The following MAP2K4 variants were observed in gnomAD, a reference collection of about 807,000 sequenced individuals.
The protein encoded by MAP2K4 is mitogen-activated protein kinase kinase 4.
In MAP2K4, 4 loss-of-function variants were observed where a neutral mutation model predicts 48.5. The observed-to-expected ratio is 0.08, with a 90% CI of 0.04 to 0.19. MAP2K4 has a LOEUF of 0.19. MAP2K4 is among the 10% of genes least tolerant of loss of function. The probability of loss-of-function intolerance (pLI) is 1.00; values close to 1 mark genes in which losing one functional copy is unlikely to be tolerated. For synonymous variants in MAP2K4, 166 were observed against 173.1 expected, an observed-to-expected ratio of 0.96 and a Z score of 0.32; for missense variants, 258 against 493.3, an observed-to-expected ratio of 0.52 and a Z score of 4.52.
chr17:12,046,419 T>G (rs1969965891), intron 1 of MAP2K4, among the ~76,000 whole-genome samples: 1 of 152,206 alleles, frequency 6.6e-6, no homozygotes, highest in African/African-American at 2.4e-5. Flanking sequence ...CAGTAGGGCC[T>G]TCTTTGATTA....
chr17:12,125,214 G>C, intron 7 of MAP2K4, 80 bp from the exon 8 acceptor site: 1 of 997,142 alleles, frequency 1.0e-6, no homozygotes. Flanking sequence ...CATTTTGGCT[G>C]TCTACCCAGC....
Position 12,143,712 on chromosome 17 carries a change from A to G in MAP2K4, c.*2452A>G. 1 of 230,708 alleles carries G rather than the reference A, an allele frequency of 4.3e-6. No homozygotes were observed. Among genetic ancestry groups the G allele is most frequent in the Admixed American group, 5.6e-5 (1 of 17,744 alleles). 14.3% of individuals were successfully genotyped at this position (230,708 alleles called of 1,614,324 possible). On this transcript the variant is annotated 3_prime_UTR_variant, in exon 11 of 11. Coordinates refer to ENST00000353533, the MANE Select transcript of MAP2K4 (RefSeq NM_003010.4). ...TCCTTTTGCCTGCAGGTCAGTTGTA[A>G]TAAATCTAGGATGTGATGATGACTT...
At chr17:12,123,426 T>C (rs981714722) in intron 7 of MAP2K4, among the ~76,000 whole-genome samples, 1 of 152,210 alleles carries the variant, frequency 6.6e-6, no homozygotes, top group African/African-American at 2.4e-5. Flanking sequence ...GTATCTTTTC[T>C]TTTTCTGTGG....
At chr17:12,136,424 AAG>A (rs1435338968) in intron 9 of MAP2K4, among the ~76,000 whole-genome samples, 2 of 152,266 alleles carry the variant, frequency 1.3e-5, no homozygotes, top group African/African-American at 2.4e-5. Context: ...GATATCATTG[AAG>A]AGAGATTAAT....
At chr17:12,024,901 T>C (rs1969208518) in intron 1 of MAP2K4, among the ~76,000 whole-genome samples, 1 of 152,190 alleles carries the variant, frequency 6.6e-6, no homozygotes, top group South Asian at 2.1e-4. Context: ...GTGTGAATCC[T>C]GTAAAGAGAA....
intron 2 of MAP2K4, chr17:12,069,925 A>ATATATATATATATATATATG (rs1970741500): frequency 2.0e-5 from 2 of 98,598 alleles, no homozygotes; most frequent in African/African-American, 9.8e-5. Flanking sequence ...ATATATATAT[A>ATATATATATATATATATATG]TATATATATA....
chr17:12,043,172 A>G (rs1161266704), intron 1 of MAP2K4, among the ~76,000 whole-genome samples: 1 of 152,224 alleles, frequency 6.6e-6, no homozygotes, highest in Non-Finnish European at 1.5e-5. Context: ...TGATGGAGAA[A>G]AATATATTCA....
intron 10 of MAP2K4, among the ~76,000 whole-genome samples, chr17:12,140,371 T>C (rs1973339122): frequency 6.6e-6 from 1 of 152,206 alleles, no homozygotes; most frequent in Admixed American, 6.5e-5. Context: ...TGTTGTGATC[T>C]AATAATGTGG....
intron 3 of MAP2K4, among the ~76,000 whole-genome samples, chr17:12,091,156 T>G (rs574491968): frequency 3.3e-4 from 50 of 152,340 alleles, no homozygotes; most frequent in African/African-American, 1.1e-3. Context: ...ATTTATACTT[T>G]AAATTCAAGT....
At chr17:12,077,373 G>A (rs1053386562) in intron 2 of MAP2K4, among the ~76,000 whole-genome samples, 1 of 152,112 alleles carries the variant, frequency 6.6e-6, no homozygotes, top group Non-Finnish European at 1.5e-5. Context: ...ATAATGCTAG[G>A]GGCTGTATTA....
At chr17:12,102,672 T>C (rs886326061) in intron 4 of MAP2K4, among the ~76,000 whole-genome samples, 4 of 152,158 alleles carry the variant, frequency 2.6e-5, no homozygotes, top group Admixed American at 2.6e-4. Context: ...TTTGTGAGAA[T>C]ATTTTTGACT....
chr17:12,133,744 G>A (rs746716739), intron 9 of MAP2K4, among the ~76,000 whole-genome samples: 6 of 152,124 alleles, frequency 3.9e-5, no homozygotes, highest in African/African-American at 7.2e-5. Flanking sequence ...AAAATTTATC[G>A]TGTGCAGAGG....
At chr17:12,113,452 A>G in intron 7 of MAP2K4, 92 bp downstream of exon 7, 1 of 1,446,406 alleles carries the variant, frequency 6.9e-7, no homozygotes, top group South Asian at 1.4e-5. Context: ...CGGTTTTACC[A>G]TGAAACTGCT....
chr17:12,103,814 A>G (rs1205399256), intron 4 of MAP2K4, among the ~76,000 whole-genome samples: 1 of 152,164 alleles, frequency 6.6e-6, no homozygotes, highest in East Asian at 1.9e-4. Flanking sequence ...ATAGTTTTCA[A>G]GATTTATGTA....
At position 12,141,143 on chromosome 17, in the gene MAP2K4, G is replaced by A. The variant is rs1181009096; in HGVS notation, c.1087-4G>A. On this transcript the variant is annotated splice_polypyrimidine_tract_variant and splice_region_variant and intron_variant, in intron 10 of 10. Coordinates refer to ENST00000353533, the MANE Select transcript of MAP2K4 (RefSeq NM_003010.4). ...TGACTTTTTTGTTTTCAATTTTCTT[G>A]CAGAAACATCCCTTTATTTTGATGT... 2 of 1,588,812 alleles carry A rather than the reference G, an allele frequency of 1.3e-6. No individual in the cohort carries two copies. The highest frequency in any genetic ancestry group is 2.7e-5 in the African/African-American group (2 of 74,456).
chr17:12,021,118 T>C (rs112464222), intron 1 of MAP2K4, 117 bp downstream of exon 1: 7,735 of 534,218 alleles, frequency 0.014, 480 homozygotes, highest in African/African-American at 0.14. Context: ...AGCCGCCGGC[T>C]TCTCCCTCTC....
intron 1 of MAP2K4, among the ~76,000 whole-genome samples, chr17:12,035,679 A>G (rs915653864): frequency 3.3e-5 from 5 of 152,216 alleles, no homozygotes; most frequent in African/African-American, 1.2e-4. Flanking sequence ...CTTATGTTTA[A>G]TTTATTAAAA....
chr17:12,104,812 T>A (rs1419903061), intron 4 of MAP2K4, among the ~76,000 whole-genome samples: 2 of 152,074 alleles, frequency 1.3e-5, no homozygotes. Context: ...TTGGGAAAAA[T>A]TTTTTTCCTA....
At chr17:12,039,672 T>C (rs1231598560) in intron 1 of MAP2K4, among the ~76,000 whole-genome samples, 4 of 152,302 alleles carry the variant, frequency 2.6e-5, no homozygotes, top group Admixed American at 2.6e-4. Flanking sequence ...AGCTACTCAA[T>C]GTTCACATTT....
Sources: gnomAD v4.1 joint callset for allele counts (sites outside exome capture counted in the v4.1 genomes callset) on GRCh38, gnomAD v4.1.1 for gene constraint, MANE v1.5 for transcripts, NCBI Gene and HGNC (gene_info 2026-07-23, HGNC 2026-07-21) for gene names.